RAPGEF4: variants seen among roughly 807,000 people sequenced by gnomAD.
The protein encoded by RAPGEF4 is RAP guanine-nucleotide-exchange factor (GEF) 4.
Under a neutral mutation model 147.9 loss-of-function variants are expected in RAPGEF4, and 66 were observed. The observed-to-expected ratio is 0.45, with a 90% confidence interval of 0.37 to 0.55. RAPGEF4 has a LOEUF of 0.55. RAPGEF4 is among the 20% of genes least tolerant of loss of function. RAPGEF4 has a pLI of 0.00. For missense variants in RAPGEF4, 1,071 were observed against 1,257.3 expected (o/e 0.85, Z 2.24); for synonymous variants, 419 against 442.7 (o/e 0.95, Z 0.67).
chr2:172,874,356 G>A (rs867163364), intron 4 of RAPGEF4, among the ~76,000 whole-genome samples: 30 of 152,048 alleles, frequency 2.0e-4, no homozygotes, highest in Non-Finnish European at 2.8e-4. Flanking sequence ...CCATTAACTC[G>A]TCATTTACAT....
intron 4 of RAPGEF4, among the ~76,000 whole-genome samples, chr2:172,915,329 A>G (rs1455043049): frequency 5.1e-4 from 77 of 152,176 alleles, no homozygotes; most frequent in Non-Finnish European, 1.2e-4. Context: ...AGCTGTGATA[A>G]TGGTATTGTG....
intron 4 of RAPGEF4, among the ~76,000 whole-genome samples, chr2:172,837,993 C>T (rs764188855): frequency 5.9e-5 from 9 of 152,194 alleles, no homozygotes; most frequent in Non-Finnish European, 1.2e-4. Context: ...GAAGTGCCTA[C>T]TGTGTTGGTC....
intron 16 of RAPGEF4, among the ~76,000 whole-genome samples, chr2:173,001,022 C>T (rs1477327807): frequency 2.6e-5 from 4 of 152,076 alleles, no homozygotes; most frequent in Admixed American, 2.0e-4. Flanking sequence ...GTACCCAGTG[C>T]CGTTTGTACA....
At chr2:172,841,840 TAC>T (rs869199353) in intron 4 of RAPGEF4, among the ~76,000 whole-genome samples, 2 of 63,510 alleles carry the variant, frequency 3.1e-5, no homozygotes, top group Non-Finnish European at 6.4e-5. Flanking sequence ...ACACACACAC[TAC>T]ACACACACAC....
intron 4 of RAPGEF4, among the ~76,000 whole-genome samples, chr2:172,836,964 T>C (rs1469399621): frequency 6.6e-6 from 1 of 152,242 alleles, no homozygotes; most frequent in Non-Finnish European, 1.5e-5. Context: ...GAGATAGACC[T>C]AGGTATGTGC....
chr2:173,007,575 C>T (rs1694606382), intron 17 of RAPGEF4, among the ~76,000 whole-genome samples: 1 of 152,156 alleles, frequency 6.6e-6, no homozygotes, highest in Non-Finnish European at 1.5e-5. Context: ...GTTTCAGATA[C>T]ATGTTTTACC....
intron 6 of RAPGEF4, among the ~76,000 whole-genome samples, chr2:172,942,681 T>C (rs577576191): frequency 3.6e-4 from 55 of 152,104 alleles, no homozygotes; most frequent in African/African-American, 1.3e-3. Context: ...AAAAATAGGA[T>C]GCAAGATACA....
chr2:173,048,425 C>G lies in RAPGEF4; in HGVS notation c.2854-175C>G, dbSNP rs181435243. 17 of 1,378,208 alleles carry G rather than the reference C, an allele frequency of 1.2e-5. No individual in the cohort carries two copies. The East Asian group carries it at 2.9e-4, about 24-fold the overall frequency. The allele number at this position is 1,378,208 out of a possible 1,614,324, so 85.4% of individuals were successfully genotyped here. A position where few individuals can be genotyped will look rare whatever the true frequency, so the allele number is the denominator to read the frequency against. On this transcript the variant is annotated intron_variant, in intron 29 of 30. Coordinates refer to ENST00000397081, the MANE Select transcript of RAPGEF4 (RefSeq NM_007023.4). ...AATGCCTTGTATGTATGTGGGTACCCCTTTGAAATAATTAAACAAGTTATA... is the reference window on the plus strand; with the variant it reads ...AATGCCTTGTATGTATGTGGGTACCGCTTTGAAATAATTAAACAAGTTATA...
intron 10 of RAPGEF4, among the ~76,000 whole-genome samples, chr2:172,969,298 T>G (rs541546205): frequency 5.3e-5 from 8 of 152,260 alleles, no homozygotes; most frequent in Non-Finnish European, 1.0e-4. Flanking sequence ...ACAAGAAGGC[T>G]TCTCCTCCTT....
intron 1 of RAPGEF4, among the ~76,000 whole-genome samples, chr2:172,764,079 C>G (rs915838704): frequency 6.6e-6 from 1 of 152,086 alleles, no homozygotes. Context: ...CAGGGAGACT[C>G]TTGTCTCTAC....
chr2:173,036,534 C>T, intron 28 of RAPGEF4, 94 bp from the exon 29 acceptor site: 1 of 989,668 alleles, frequency 1.0e-6, no homozygotes, highest in Non-Finnish European at 1.5e-6. Context: ...TAGTGTTATG[C>T]AAATCTGCCA....
chr2:172,895,354 T>C (rs1311669590), intron 4 of RAPGEF4, among the ~76,000 whole-genome samples: 1 of 152,156 alleles, frequency 6.6e-6, no homozygotes, highest in Non-Finnish European at 1.5e-5. Context: ...AGCCAGTGAG[T>C]ATCTCCAAGG....
chr2:172,988,345 T>C, intron 13 of RAPGEF4, 73 bp downstream of exon 13: 1 of 1,525,220 alleles, frequency 6.6e-7, no homozygotes, highest in Non-Finnish European at 8.7e-7. Context: ...ATTAGCAATG[T>C]AGTGCCACAA....
chr2:173,041,708 C>T (rs907499572), intron 29 of RAPGEF4, among the ~76,000 whole-genome samples: 1 of 152,194 alleles, frequency 6.6e-6, no homozygotes, highest in African/African-American at 2.4e-5. Context: ...CCCTAAGCAC[C>T]TGTCCAGCCT....
intron 16 of RAPGEF4, among the ~76,000 whole-genome samples, chr2:172,996,953 G>A (rs1260746552): frequency 6.6e-6 from 1 of 152,172 alleles, no homozygotes. Context: ...ACTTCTCTCT[G>A]CAGTTGTTGT....
chr2:172,943,559 G>C (rs761713800), intron 6 of RAPGEF4, among the ~76,000 whole-genome samples: 1 of 152,166 alleles, frequency 6.6e-6, no homozygotes, highest in Non-Finnish European at 1.5e-5. Flanking sequence ...GCCTGGAATA[G>C]TCTCTTATAG....
chr2:173,036,109 CT>C lies in RAPGEF4; in HGVS notation c.2701-11del. On this transcript the variant is annotated splice_polypyrimidine_tract_variant and intron_variant, in intron 27 of 30. Transcript: ENST00000397081. ...CTGTCACCAGTCATTACCATCATCT[CT>C]TTTTCTCTCCTAAGGACCCTTCAAG... is the stretch of plus-strand genomic sequence containing the variant. The C allele has an allele frequency of 6.3e-7, 1 of 1,579,824 alleles. No individual in the cohort carries two copies. Among genetic ancestry groups the C allele is most frequent in the Non-Finnish European group, 8.7e-7 (1 of 1,149,378 alleles).
At chr2:172,896,141 T>C (rs1263707161) in intron 4 of RAPGEF4, among the ~76,000 whole-genome samples, 2 of 152,214 alleles carry the variant, frequency 1.3e-5, no homozygotes, top group Non-Finnish European at 2.9e-5. Context: ...GAATTTAACA[T>C]AGAATAAGAA....
At chr2:172,893,619 C>G (rs1170734127) in intron 4 of RAPGEF4, 1 of 152,092 alleles carries the variant, frequency 6.6e-6, no homozygotes, top group Non-Finnish European at 1.5e-5. Flanking sequence ...GTTAGAGCCT[C>G]AGGTGTACAA....
Sources: allele counts gnomAD v4.1 joint callset (sites outside exome capture counted in the v4.1 genomes callset), GRCh38; gene constraint gnomAD v4.1.1; transcripts MANE v1.5; gene names NCBI Gene and HGNC (gene_info 2026-07-23, HGNC 2026-07-21).